ERBB4: variants seen among roughly 807,000 people sequenced by gnomAD.
The protein encoded by ERBB4 is erb-b2 receptor tyrosine kinase 4.
In ERBB4, 42 loss-of-function variants were observed where a neutral mutation model predicts 158.0. The ratio of observed to expected loss-of-function variants is 0.27; its 90% confidence interval spans 0.21 to 0.34. The LOEUF (loss-of-function observed/expected upper bound fraction) is 0.34. Ranked by LOEUF, ERBB4 falls within the 10% of genes least tolerant of loss-of-function variation. ERBB4 has a pLI of 1.00. For synonymous variants in ERBB4, 583 were observed against 558.7 expected (o/e 1.04, Z -0.61); for missense variants, 1,333 against 1,624.1 (o/e 0.82, Z 3.08).
intron 1 of ERBB4, among the ~76,000 whole-genome samples, chr2:212,185,022 T>TTTTTTTTTTTCTTTTG (rs2081977628): frequency 1.5e-5 from 2 of 129,068 alleles, no homozygotes; most frequent in African/African-American, 6.5e-5. Context: ...CTTTTTTTTC[T>TTTTTTTTTTTCTTTTG]TTTTTTTTTT....
intron 2 of ERBB4, among the ~76,000 whole-genome samples, chr2:212,122,792 G>A (rs867515222): frequency 5.4e-4 from 82 of 151,400 alleles, no homozygotes; most frequent in African/African-American, 1.9e-3. Context: ...TATATAAAAA[G>A]ACATTTTTAT....
intron 4 of ERBB4, among the ~76,000 whole-genome samples, chr2:211,762,605 T>C (rs1463317806): frequency 6.6e-6 from 1 of 152,228 alleles, no homozygotes; most frequent in Non-Finnish European, 1.5e-5. Flanking sequence ...ATGACCTTCA[T>C]CTGTCAGATT....
chr2:212,120,288 A>G (rs2079707967), intron 2 of ERBB4, among the ~76,000 whole-genome samples: 2 of 152,212 alleles, frequency 1.3e-5, no homozygotes, highest in Admixed American at 6.5e-5. Flanking sequence ...ACTGAATGCT[A>G]TTGGTGACAA....
At chr2:211,751,231 T>G (rs1284127941) in intron 4 of ERBB4, among the ~76,000 whole-genome samples, 1 of 152,190 alleles carries the variant, frequency 6.6e-6, no homozygotes. Flanking sequence ...TTAATTTCAA[T>G]TATTTTAATA....
At chr2:211,778,125 G>A (rs1369180298) in intron 4 of ERBB4, 1 of 152,202 alleles carries the variant, frequency 6.6e-6, no homozygotes, top group Non-Finnish European at 1.5e-5. Flanking sequence ...GCCACGGCAG[G>A]ATTGAAGCTG....
intron 3 of ERBB4, among the ~76,000 whole-genome samples, chr2:211,809,282 A>C (rs957222448): frequency 6.6e-6 from 1 of 151,984 alleles, no homozygotes; most frequent in African/African-American, 2.4e-5. Context: ...TCCTCTTTGT[A>C]CCTCTGGTAG....
At chr2:212,474,546 G>C (rs979177666) in intron 1 of ERBB4, among the ~76,000 whole-genome samples, 1 of 152,052 alleles carries the variant, frequency 6.6e-6, no homozygotes, top group African/African-American at 2.4e-5. Flanking sequence ...GGGCTTTGGA[G>C]ACCTGTATTC....
At chr2:212,326,092 T>A (rs1214290989) in intron 1 of ERBB4, among the ~76,000 whole-genome samples, 2 of 150,474 alleles carry the variant, frequency 1.3e-5, no homozygotes, top group Non-Finnish European at 3.0e-5. Context: ...CCAGAGACTG[T>A]GGACCCCAAA....
intron 20 of ERBB4, among the ~76,000 whole-genome samples, chr2:211,541,826 CTG>C (rs1376603306): frequency 6.6e-6 from 1 of 152,018 alleles, no homozygotes; most frequent in Non-Finnish European, 1.5e-5. Context: ...GTAACGAGCT[CTG>C]TGCTAAACTT....
chr2:211,568,257 G>C (rs2067611591), intron 19 of ERBB4, among the ~76,000 whole-genome samples: 1 of 151,708 alleles, frequency 6.6e-6, no homozygotes, highest in South Asian at 2.1e-4. Context: ...ATGAAGTCTG[G>C]TGTAAATAAG....
At chr2:212,106,120 TA>T (rs1415972982) in intron 2 of ERBB4, among the ~76,000 whole-genome samples, 2 of 152,128 alleles carry the variant, frequency 1.3e-5, no homozygotes, top group Non-Finnish European at 2.9e-5. Context: ...AAAGATACCT[TA>T]AAATGTGGAA....
At position 211,471,764 on chromosome 2, in the gene ERBB4, G is replaced by C. The variant is rs182439174; in HGVS notation, c.2488-40664C>G. Among the ~76,000 whole-genome samples the C allele has an allele frequency of 7.2e-5, 11 of 152,252 alleles. No individual in the cohort carries two copies. The East Asian group carries it at 2.1e-3, about 29-fold the overall frequency. On this transcript the variant is annotated intron_variant, in intron 20 of 27. Coordinates refer to ENST00000342788, the MANE Select transcript of ERBB4 (RefSeq NM_005235.3). ...AAAAGTGACAAAGTTTGGTAGGACA[G>C]GTATCTCAATCAGAGGGACAGCAGA...
chr2:212,332,822 C>T (rs1156981295), intron 1 of ERBB4, among the ~76,000 whole-genome samples: 5 of 151,944 alleles, frequency 3.3e-5, no homozygotes, highest in East Asian at 1.9e-4. Flanking sequence ...TTTATGGTAC[C>T]GTCCAAAAGA....
chr2:211,420,388 C>T, intron 25 of ERBB4, 53 bp downstream of exon 25: 1 of 1,285,558 alleles, frequency 7.8e-7, no homozygotes, highest in Non-Finnish European at 1.1e-6. Flanking sequence ...TGAACTATTA[C>T]ATGATTTTAT....
At chr2:211,627,324 T>C (rs2069897954) in intron 17 of ERBB4, among the ~76,000 whole-genome samples, 1 of 152,224 alleles carries the variant, frequency 6.6e-6, no homozygotes. Flanking sequence ...ATGTGCAAGA[T>C]TGAAAGTAAT....
intron 2 of ERBB4, among the ~76,000 whole-genome samples, chr2:212,078,932 TATAC>T (rs2078352195): frequency 6.6e-6 from 1 of 151,288 alleles, no homozygotes; most frequent in East Asian, 1.9e-4. Context: ...GGAGTCATAA[TATAC>T]ATACTTTTTA....
chr2:212,081,885 T>C (rs1232497943), intron 2 of ERBB4, among the ~76,000 whole-genome samples: 1 of 152,140 alleles, frequency 6.6e-6, no homozygotes, highest in Non-Finnish European at 1.5e-5. Context: ...CAGACAATTA[T>C]AAAGCACTTC....
chr2:212,229,068 T>C (rs142731741), intron 1 of ERBB4, among the ~76,000 whole-genome samples: 262 of 152,250 alleles, frequency 1.7e-3, no homozygotes, highest in African/African-American at 5.9e-3. Context: ...TATGGATTCA[T>C]GGGAAGAGAG....
At chr2:211,646,426 A>G (rs2070783667) in intron 16 of ERBB4, among the ~76,000 whole-genome samples, 1 of 151,646 alleles carries the variant, frequency 6.6e-6, no homozygotes, top group African/African-American at 2.4e-5. Context: ...AAAGAAAGGC[A>G]TATGGGACAA....
Sources: gnomAD v4.1 joint callset for allele counts (sites outside exome capture counted in the v4.1 genomes callset) on GRCh38, gnomAD v4.1.1 for gene constraint, MANE v1.5 for transcripts, NCBI Gene and HGNC (gene_info 2026-07-23, HGNC 2026-07-21) for gene names.